The following KIF13A variants were observed in gnomAD, a reference collection of about 807,000 sequenced individuals.
KIF13A encodes the protein kinesin family member 13A.
In KIF13A, 79 loss-of-function variants were observed where a neutral mutation model predicts 212.2. That is an observed-to-expected ratio of 0.37 (90% CI 0.31 to 0.45). The LOEUF (loss-of-function observed/expected upper bound fraction) is 0.45. Ranked by LOEUF, KIF13A falls within the 20% of genes least tolerant of loss-of-function variation. The pLI is 1.00. For missense variants in KIF13A, 1,901 were observed against 2,209.0 expected, an observed-to-expected ratio of 0.86 and a Z score of 2.79; for synonymous variants, 789 against 808.6, an observed-to-expected ratio of 0.98 and a Z score of 0.41.
chr6:17,869,256 G>A (rs908657200), intron 4 of KIF13A, among the ~76,000 whole-genome samples: 5 of 151,990 alleles, frequency 3.3e-5, no homozygotes, highest in Non-Finnish European at 7.4e-5. Context: ...CCTGCCCAAG[G>A]TCTAGCAGTT....
In KIF13A at chr6:17,899,451, C is replaced by T. The variant is rs182030197; in HGVS notation, c.147-1271G>A. Among the ~76,000 whole-genome samples the T allele has an allele frequency of 1.7e-4, 26 of 152,294 alleles. No homozygotes were observed. The highest frequency in any genetic ancestry group is 1.5e-3 in the Admixed American group (23 of 15,300). ...GGCAAAACAGCAGGATGCTTTTTCT[C>T]CATCACTGGGTGCGACACTCCTTAC... On this transcript the variant is annotated intron_variant, in intron 2 of 38. Transcript: ENST00000259711. The surrounding 1 kb of genome is among the most constrained non-coding windows in gnomAD (Gnocchi z 5.2).
rs920889220 is a variant in KIF13A at position 17,968,486 on chromosome 6, G to A, written c.146+18568C>T. ...GTCTGGGACCACACACCACCTCTGGGTGTATAGCTCTGGCAGTACAGGAAA... is the reference window on the plus strand; with the variant it reads ...GTCTGGGACCACACACCACCTCTGGATGTATAGCTCTGGCAGTACAGGAAA... On this transcript the variant is annotated intron_variant, in intron 2 of 38. Transcript: ENST00000259711. The surrounding 1 kb of genome is among the most constrained non-coding windows in gnomAD (Gnocchi z 4.7). Among the ~76,000 whole-genome samples, 4 of 152,132 alleles carry A rather than the reference G, an allele frequency of 2.6e-5. No individual in the cohort carries two copies. Among genetic ancestry groups the A allele is most frequent in the African/African-American group, 4.8e-5 (2 of 41,422 alleles).
At chr6:17,857,332 C>T (rs1300695218) in intron 4 of KIF13A, among the ~76,000 whole-genome samples, 2 of 152,132 alleles carry the variant, frequency 1.3e-5, no homozygotes, top group Non-Finnish European at 2.9e-5. Flanking sequence ...TGTTGGGAGA[C>T]GATTGGATCA....
intron 29 of KIF13A, among the ~76,000 whole-genome samples, chr6:17,781,586 A>G (rs1218285117): frequency 1.4e-5 from 2 of 145,460 alleles, no homozygotes; most frequent in Non-Finnish European, 1.5e-5. Context: ...TGACTTCCCA[A>G]TGTGCTGGGA....
intron 2 of KIF13A, among the ~76,000 whole-genome samples, chr6:17,957,502 T>C (rs1010738454): frequency 6.6e-6 from 1 of 152,190 alleles, no homozygotes; most frequent in African/African-American, 2.4e-5. Flanking sequence ...TGTGAGCCTC[T>C]CCAGCAAATT....
Position 17,824,760 on chromosome 6 carries a change from C to CAAAA in KIF13A, c.1786+1004_1786+1007dup, listed in dbSNP as rs1234476186. Among the ~76,000 whole-genome samples the CAAAA allele has an allele frequency of 3.6e-3, 174 of 48,478 alleles. 3 individuals are homozygous for CAAAA. The highest frequency in any genetic ancestry group is 0.011 in the Middle Eastern group (1 of 90). 31.8% of individuals were successfully genotyped at this position (48,478 alleles called of 152,430 possible). A position where few individuals can be genotyped will look rare whatever the true frequency, so the allele number is the denominator to read the frequency against. ...TGGGCGACAGAGAGAGACTCCGTCT[C>CAAAA]AAAAAAAAAAAAAAAAAAAACAAAA... On this transcript the variant is annotated intron_variant, in intron 16 of 38. Transcript: ENST00000259711.
intron 2 of KIF13A, among the ~76,000 whole-genome samples, chr6:17,980,567 G>C (rs938962370): frequency 1.3e-5 from 2 of 152,118 alleles, no homozygotes; most frequent in Non-Finnish European, 2.9e-5. Flanking sequence ...AGGAACTCTA[G>C]AGAGCACCTG....
chr6:17,906,379 C>T (rs761149967), intron 2 of KIF13A, among the ~76,000 whole-genome samples: 4 of 150,936 alleles, frequency 2.7e-5, no homozygotes. Flanking sequence ...TCCCTCCCTC[C>T]CTCCCTGCCT....
chr6:17,793,270 C>T (rs1483625432), intron 25 of KIF13A, among the ~76,000 whole-genome samples: 2 of 151,848 alleles, frequency 1.3e-5, no homozygotes, highest in South Asian at 2.1e-4. Context: ...TTAGTAGAGA[C>T]GGCGTTTTGC....
chr6:17,834,021 C>T lies in KIF13A; in HGVS notation c.1206G>A (p.Leu402=), dbSNP rs755082662. The change falls in exon 12 of 39, where the codon CTG becomes CTA. Residue 402 remains leucine (L), a synonymous_variant. Coordinates refer to ENST00000259711, the MANE Select transcript of KIF13A (RefSeq NM_022113.6). This position sits in a 1 kb window ranked among gnomAD's most constrained non-coding sequence, Gnocchi z 4.0. ...CCCAAGTCACTGTTAGTTCTTTTAT[C>T]AGCTTTTCAGACTCTTCGAGCTTCT... The part of the protein sequence containing the change: ...LKEKLEESEK[L]IKELTVTWEE... 6.2e-7 allele frequency: 1 copy of T among 1,604,824 alleles called. No individual in the cohort carries two copies. The highest frequency in any genetic ancestry group is 2.2e-5 in the East Asian group (1 of 44,736).
In KIF13A at chr6:17,823,037, CTT is replaced by C. The variant is rs10708452; in HGVS notation, c.1786+2729_1786+2730del. On this transcript the variant is annotated intron_variant, in intron 16 of 38. Coordinates refer to ENST00000259711, the MANE Select transcript of KIF13A (RefSeq NM_022113.6). ...CTACTTTTTTCTTCATGGTTCTATA[CTT>C]TTTTTTTTTTTTTGGAGACAGAGTT... 6.3e-3 allele frequency among the ~76,000 whole-genome samples: 908 copies of C among 145,056 alleles called. 7 individuals are homozygous for C. Among genetic ancestry groups the C allele is most frequent in the African/African-American group, 0.02 (807 of 39,580 alleles).
intron 2 of KIF13A, among the ~76,000 whole-genome samples, chr6:17,923,554 T>A (rs1223438314): frequency 6.6e-6 from 1 of 151,624 alleles, no homozygotes; most frequent in Non-Finnish European, 1.5e-5. Context: ...TTTTGGTGGT[T>A]GGTAGCTTAG....
chr6:17,798,295 C>G (rs1762213118), intron 22 of KIF13A, among the ~76,000 whole-genome samples: 1 of 152,140 alleles, frequency 6.6e-6, no homozygotes, highest in African/African-American at 2.4e-5. Flanking sequence ...TTTATTAAAA[C>G]AGCTGTTAAC....
intron 4 of KIF13A, among the ~76,000 whole-genome samples, chr6:17,860,511 C>T (rs1459083679): frequency 3.3e-5 from 5 of 151,896 alleles, no homozygotes; most frequent in Non-Finnish European, 5.9e-5. Flanking sequence ...TTCATGTTCA[C>T]CTTTACTGCC....
Position 17,773,235 on chromosome 6 carries a change from A to T in KIF13A, c.4324+243T>A, listed in dbSNP as rs1336409437. On this transcript the variant is annotated intron_variant, in intron 36 of 38. Coordinates refer to ENST00000259711, the MANE Select transcript of KIF13A (RefSeq NM_022113.6). The surrounding 1 kb of genome is among the most constrained non-coding windows in gnomAD (Gnocchi z 4.2). ...AGTCAGGAAATGATGACAAAAAATG[A>T]TTCAGAAGTTCTAAAGTAATACACA... 6.6e-6 allele frequency among the ~76,000 whole-genome samples: 1 copy of T among 152,228 alleles called. No homozygotes were observed. The highest frequency in any genetic ancestry group is 1.5e-5 in the Non-Finnish European group (1 of 68,032).
intron 2 of KIF13A, among the ~76,000 whole-genome samples, chr6:17,948,846 A>C (rs1389465241): frequency 1.3e-5 from 2 of 152,024 alleles, no homozygotes; most frequent in Non-Finnish European, 2.9e-5. Context: ...GATTACAAGC[A>C]TGAGCCACCT....
chr6:17,774,963 C>T, intron 35 of KIF13A, 52 bp downstream of exon 35: 1 of 1,438,410 alleles, frequency 7.0e-7, no homozygotes, highest in Non-Finnish European at 9.7e-7. Context: ...GATCCCACAA[C>T]TTTCCAGACT....
In KIF13A at chr6:17,809,002, T is replaced by C; in HGVS notation, c.2001-72A>G. On this transcript the variant is annotated intron_variant, in intron 17 of 38. Coordinates refer to ENST00000259711, the MANE Select transcript of KIF13A (RefSeq NM_022113.6). This position sits in a 1 kb window ranked among gnomAD's most constrained non-coding sequence, Gnocchi z 4.7. ...CAATCCCGTTTCTAAGTGAGCATCT[T>C]ATTAGAAAATGGGAGAAAACTCCTC... 7.4e-7 allele frequency: 1 copy of C among 1,359,692 alleles called. No individual in the cohort carries two copies. Among genetic ancestry groups the C allele is most frequent in the Non-Finnish European group, 9.8e-7 (1 of 1,018,274 alleles). 84.2% of individuals were successfully genotyped at this position (1,359,692 alleles called of 1,614,324 possible).
chr6:17,849,842 T>G lies in KIF13A; in HGVS notation c.718-353A>C, dbSNP rs1297631787. Reference sequence around the variant, plus strand: ...TCTTCCTTTGAAAAAAGGTTTAGGCTAAAGGTTGTGGTGTCCTCTTTAATA... The same window carrying G: ...TCTTCCTTTGAAAAAAGGTTTAGGCGAAAGGTTGTGGTGTCCTCTTTAATA... On this transcript the variant is annotated intron_variant, in intron 8 of 38. Transcript: ENST00000259711. The surrounding 1 kb of genome is among the most constrained non-coding windows in gnomAD (Gnocchi z 5.7). Among the ~76,000 whole-genome samples, 1 of 152,162 alleles carries G rather than the reference T, an allele frequency of 6.6e-6. No individual in the cohort carries two copies. Among genetic ancestry groups the G allele is most frequent in the Admixed American group, 6.5e-5 (1 of 15,284 alleles).
Sources: allele counts gnomAD v4.1 joint callset (sites outside exome capture counted in the v4.1 genomes callset), GRCh38; gene constraint gnomAD v4.1.1; non-coding constraint Gnocchi (gnomAD v3.1); transcripts MANE v1.5; gene names NCBI Gene and HGNC (gene_info 2026-07-23, HGNC 2026-07-21).